The following RARS2 variants were observed in gnomAD, a reference collection of about 807,000 sequenced individuals.
RARS2 encodes the protein arginyl-tRNA synthetase 2, mitochondrial.
In RARS2, 67 loss-of-function variants were observed where a neutral mutation model predicts 88.5. The observed-to-expected ratio is 0.76, with a 90% CI of 0.62 to 0.93. The LOEUF (loss-of-function observed/expected upper bound fraction) is 0.93, where lower values mean the gene tolerates loss of function less well. RARS2 is among the 40% of genes least tolerant of loss of function. RARS2 has a pLI of 0.00. For missense variants in RARS2, 664 were observed against 684.2 expected (o/e 0.97, Z 0.33); for synonymous variants, 239 against 230.3 (o/e 1.04, Z -0.34).
At position 87,545,698 on chromosome 6, in the gene RARS2, T is replaced by TG. The variant is rs1296608788; in HGVS notation, c.452_453insC (p.Asn152LysfsTer40). The TG allele has an allele frequency of 6.2e-7, 1 of 1,612,774 alleles. No homozygotes were observed. The highest frequency in any genetic ancestry group is 8.5e-7 in the Non-Finnish European group (1 of 1,179,398). ...CTTCTTTGAGATTTGCTATAAAATT[T>TG]CCTAGTAATCAATAAAGTATATAGT... On this transcript the variant is annotated frameshift_variant and splice_region_variant, in exon 7 of 20. Transcript: ENST00000369536. LOFTEE classifies it high-confidence loss of function.
rs868638122 is a variant in RARS2, at chr6:87,525,898, T to A, written c.879-1246A>T. On this transcript the variant is annotated intron_variant, in intron 10 of 19. Transcript: ENST00000369536. Reference sequence around the variant, plus strand: ...CAACAAACTATCTGAAAAAGAAATTTAAAAAAAAATCCCATTTATAATAAC... The same window carrying A: ...CAACAAACTATCTGAAAAAGAAATTAAAAAAAAAATCCCATTTATAATAAC... Among the ~76,000 whole-genome samples, 69 of 151,252 alleles carry A rather than the reference T, an allele frequency of 4.6e-4. 1 individual carries two copies. Among genetic ancestry groups the A allele is most frequent in the African/African-American group, 1.2e-3 (50 of 41,226 alleles).
At chr6:87,558,553 G>A (rs9450739) in intron 4 of RARS2, among the ~76,000 whole-genome samples, 92,552 of 152,036 alleles carry the variant, frequency 0.61, 28,985 homozygotes, top group African/African-American at 0.75. Context: ...GTGTCAGTCA[G>A]TGATGAACCA....
intron 1 of RARS2, among the ~76,000 whole-genome samples, chr6:87,586,834 T>A (rs1356633224): frequency 6.6e-6 from 1 of 152,184 alleles, no homozygotes; most frequent in Non-Finnish European, 1.5e-5. Context: ...AATATTGGCT[T>A]TATACTTACC....
intron 1 of RARS2, among the ~76,000 whole-genome samples, chr6:87,570,012 G>C (rs558718877): frequency 6.6e-6 from 1 of 151,156 alleles, no homozygotes; most frequent in Admixed American, 6.6e-5. Flanking sequence ...CATTATTCCA[G>C]GTATTAGGGA....
chr6:87,544,080 G>A (rs1454297156), intron 7 of RARS2, among the ~76,000 whole-genome samples: 1 of 152,188 alleles, frequency 6.6e-6, no homozygotes, highest in Non-Finnish European at 1.5e-5. Flanking sequence ...AACCACAGCA[G>A]TCCTTTAGAG....
Position 87,589,929 on chromosome 6 carries a change from G to A in RARS2, c.29C>T (p.Ala10Val), listed in dbSNP as rs1776518694. The change falls in exon 1 of 20, where the codon GCT (alanine) becomes GTT (valine). Residue 10 changes from alanine to valine, a missense_variant. Coordinates refer to ENST00000369536, the MANE Select transcript of RARS2 (RefSeq NM_020320.5). MACGFRRAI[A>V]CQLSRVLNLP... ...GCGCTCCGGGATCCATACCTGGCAA[G>A]CAATAGCGCGGCGAAAGCCGCACGC... 3.1e-6 allele frequency: 5 copies of A among 1,614,030 alleles called. No homozygotes were observed. Among genetic ancestry groups the A allele is most frequent in the South Asian group, 1.1e-5 (1 of 91,084 alleles).
At chr6:87,585,803 C>T (rs1043342500) in intron 1 of RARS2, among the ~76,000 whole-genome samples, 4 of 151,940 alleles carry the variant, frequency 2.6e-5, no homozygotes, top group Non-Finnish European at 4.4e-5. Flanking sequence ...TTAAAAAATA[C>T]GTATAAAACA....
At chr6:87,514,909 T>C (rs1771042568) in intron 19 of RARS2, 48 bp downstream of exon 19, 5 of 1,446,116 alleles carry the variant, frequency 3.5e-6, no homozygotes, top group Non-Finnish European at 4.9e-6. Context: ...TTAGTAATAT[T>C]AGTCTCAGGA....
chr6:87,538,140 T>G (rs1172507699), intron 8 of RARS2, among the ~76,000 whole-genome samples: 5 of 152,224 alleles, frequency 3.3e-5, no homozygotes, highest in African/African-American at 4.8e-5. Context: ...TATAATAACC[T>G]GTAGGCTGCC....
intron 14 of RARS2, 127 bp downstream of exon 14, chr6:87,519,456 G>T (rs1265664740): frequency 5.7e-6 from 6 of 1,044,624 alleles, no homozygotes; most frequent in Non-Finnish European, 8.7e-6. Flanking sequence ...TTAGTGAAAG[G>T]TATTTTTGAC....
At chr6:87,514,689 T>C (rs1311815456) in intron 19 of RARS2, among the ~76,000 whole-genome samples, 190 bp from the exon 20 acceptor site, 1 of 152,194 alleles carries the variant, frequency 6.6e-6, no homozygotes, top group Non-Finnish European at 1.5e-5. Flanking sequence ...ACATAAAGTG[T>C]CATGGAGTGG....
chr6:87,589,969 C>G lies in RARS2; in HGVS notation c.-12G>C. ...AAGCCGCACGCCATGTCCACCTCTACGGAAGTGCGCCGCAGTCCGCCAGTT... is the reference window on the plus strand; with the variant it reads ...AAGCCGCACGCCATGTCCACCTCTAGGGAAGTGCGCCGCAGTCCGCCAGTT... On this transcript the variant is annotated 5_prime_UTR_variant, in exon 1 of 20. Coordinates refer to ENST00000369536, the MANE Select transcript of RARS2 (RefSeq NM_020320.5). The G allele has an allele frequency of 6.2e-7, 1 of 1,614,242 alleles. No individual in the cohort carries two copies. Among genetic ancestry groups the G allele is most frequent in the Non-Finnish European group, 8.5e-7 (1 of 1,180,042 alleles).
intron 6 of RARS2, among the ~76,000 whole-genome samples, chr6:87,546,653 A>G (rs1020164222): frequency 1.3e-5 from 2 of 152,202 alleles, no homozygotes; most frequent in African/African-American, 2.4e-5. Flanking sequence ...TTTGGGAGTT[A>G]TTTATGTCAG....
At chr6:87,588,445 G>A (rs1775835649) in intron 1 of RARS2, among the ~76,000 whole-genome samples, 1 of 152,094 alleles carries the variant, frequency 6.6e-6, no homozygotes. Flanking sequence ...ATAGCTCACT[G>A]TAGCTTCAAA....
intron 6 of RARS2, among the ~76,000 whole-genome samples, 162 bp downstream of exon 6, chr6:87,548,429 T>C (rs1028063523): frequency 1.3e-5 from 2 of 152,220 alleles, no homozygotes; most frequent in East Asian, 3.8e-4. Context: ...CACAAAACAG[T>C]GTAACCAATG....
chr6:87,519,208 G>GTGTATATATATATATATATA (rs1210109506), intron 14 of RARS2: 7 of 256,302 alleles, frequency 2.7e-5, no homozygotes, highest in African/African-American at 1.4e-4. Flanking sequence ...GTGTGTGTGT[G>GTGTATATATATATATATATA]TATATATATA....
At chr6:87,537,076 G>A (rs1779405202) in intron 8 of RARS2, among the ~76,000 whole-genome samples, 2 of 152,242 alleles carry the variant, frequency 1.3e-5, no homozygotes, top group Non-Finnish European at 2.9e-5. Context: ...CAAGCTAGCT[G>A]AGAAACTGAA....
At chr6:87,569,840 C>T (rs1271063953) in intron 1 of RARS2, among the ~76,000 whole-genome samples, 3 of 150,074 alleles carry the variant, frequency 2.0e-5, no homozygotes, top group Non-Finnish European at 4.4e-5. Flanking sequence ...GAGGATTTGA[C>T]CATAAATTAA....
At chr6:87,567,251 C>T (rs1210545183) in intron 2 of RARS2, among the ~76,000 whole-genome samples, 1 of 42,170 alleles carries the variant, frequency 2.4e-5, no homozygotes, top group East Asian at 1.9e-3. Flanking sequence ...GATTCCGCCT[C>T]AAAAAAACAA....
Sources: gnomAD v4.1 joint callset for allele counts (sites outside exome capture counted in the v4.1 genomes callset) on GRCh38, gnomAD v4.1.1 for gene constraint, MANE v1.5 for transcripts, NCBI Gene and HGNC (gene_info 2026-07-23, HGNC 2026-07-21) for gene names.